Variants in GPR149 observed in about 807,000 individuals in gnomAD.
GPR149 encodes the protein probable G protein-coupled receptor 149.
A neutral mutation model predicts 50.2 loss-of-function variants in GPR149; 50 were observed. The observed-to-expected ratio is 1.00, with a 90% CI of 0.79 to 1.26. GPR149 has a LOEUF of 1.26. Ranked by LOEUF, GPR149 falls within the 50% of genes most tolerant of loss-of-function variation. The probability of loss-of-function intolerance (pLI) is 0.00; values close to 1 mark genes in which losing one functional copy is unlikely to be tolerated. For missense variants in GPR149, 983 were observed against 895.4 expected (o/e 1.10, Z -1.25); for synonymous variants, 405 against 358.2 (o/e 1.13, Z -1.48).
chr3:154,408,354 C>T (rs1490851206), intron 3 of GPR149, among the ~76,000 whole-genome samples: 1 of 152,204 alleles, frequency 6.6e-6, no homozygotes, highest in Non-Finnish European at 1.5e-5. Flanking sequence ...TGGATCACCA[C>T]TGCAGGCTCC....
At chr3:154,410,297 T>A (rs1258526202) in intron 3 of GPR149, among the ~76,000 whole-genome samples, 2 of 151,990 alleles carry the variant, frequency 1.3e-5, no homozygotes, top group Non-Finnish European at 2.9e-5. Context: ...ATAAATCTCA[T>A]AGGACCTATA....
At chr3:154,394,962 T>G (rs954875340) in intron 3 of GPR149, among the ~76,000 whole-genome samples, 26 of 152,184 alleles carry the variant, frequency 1.7e-4, no homozygotes, top group African/African-American at 6.3e-4. Flanking sequence ...ATTATTGTAG[T>G]TAACTCCTCC....
rs557733513 is a variant in GPR149 at position 154,354,777 on chromosome 3, G to A, written c.1624-16506C>T. ...AGGGTGTTTTCAGCTCCATAATGTC[G>A]CCCCAAGGAGTTTCCCAGGCATTAC... On this transcript the variant is annotated intron_variant, in intron 3 of 3. Coordinates refer to ENST00000389740, the MANE Select transcript of GPR149 (RefSeq NM_001038705.3). 1.8e-4 allele frequency: 125 copies of A among 701,776 alleles called. 1 individual carries two copies. Among genetic ancestry groups the A allele is most frequent in the South Asian group, 1.1e-3 (52 of 45,792 alleles). 43.5% of individuals were successfully genotyped at this position (701,776 alleles called of 1,614,324 possible).
At chr3:154,423,859 A>T (rs1169536433) in intron 2 of GPR149, among the ~76,000 whole-genome samples, 3 of 151,560 alleles carry the variant, frequency 2.0e-5, no homozygotes, top group Non-Finnish European at 4.4e-5. Flanking sequence ...ATTTTTTATT[A>T]TTATTATACT....
intron 3 of GPR149, among the ~76,000 whole-genome samples, chr3:154,411,964 A>G: frequency 6.6e-6 from 1 of 152,146 alleles, no homozygotes; most frequent in Admixed American, 6.6e-5. Context: ...AATACTAGCT[A>G]ACTGAATCCA....
At chr3:154,413,681 A>G (rs990660100) in intron 3 of GPR149, among the ~76,000 whole-genome samples, 3 of 151,978 alleles carry the variant, frequency 2.0e-5, no homozygotes, top group Non-Finnish European at 4.4e-5. Context: ...TGTGGTAAAA[A>G]GGGAACACTT....
At position 154,413,884 on chromosome 3, in the gene GPR149, C is replaced by CA. The variant is rs1215144144; in HGVS notation, c.1623+7154dup. ...TTTATCACAGCAGAATTTGTAATCT[C>CA]AAAAATATGGAACTGGCCCAAAAGC... On this transcript the variant is annotated intron_variant, in intron 3 of 3. Transcript: ENST00000389740. 2.0e-5 allele frequency among the ~76,000 whole-genome samples: 3 copies of CA among 151,004 alleles called. No homozygotes were observed. The East Asian group carries it at 5.9e-4, about 30-fold the overall frequency.
chr3:154,428,823 C>T lies in GPR149; in HGVS notation c.793G>A (p.Gly265Arg). ...GTGTCGGAGCTCGGAGAGCATCCCC[C>T]AGAGCGCCGCAGACTCGGGCCTGGA... ...DAPGPSLRRSGGCSPSSDTVF... is the reference protein window; with the variant it reads ...DAPGPSLRRSRGCSPSSDTVF... The change falls in exon 1 of 4, where the codon GGG becomes AGG. Residue 265 changes from glycine (G) to arginine (R), a missense_variant. Gly to Arg is a moderately radical substitution (Grantham distance 125, BLOSUM62 -2). Transcript: ENST00000389740. 4 of 1,613,802 alleles carry T rather than the reference C, an allele frequency of 2.5e-6. No homozygotes were observed. Among genetic ancestry groups the T allele is most frequent in the Non-Finnish European group, 3.4e-6 (4 of 1,179,942 alleles).
intron 3 of GPR149, among the ~76,000 whole-genome samples, chr3:154,374,803 C>T (rs2689331): frequency 0.69 from 105,546 of 151,922 alleles, 37,550 homozygotes; most frequent in Non-Finnish European, 0.78. Context: ...GTGAGGCAGC[C>T]TTTGGTCCTC....
intron 3 of GPR149, among the ~76,000 whole-genome samples, chr3:154,407,693 T>TACACACAC (rs1175398541): frequency 0.016 from 2,309 of 139,992 alleles, 29 homozygotes; most frequent in East Asian, 0.028. Flanking sequence ...GTCATGTGTA[T>TACACACAC]ACACACACAC....
At chr3:154,404,752 A>G (rs1455153492) in intron 3 of GPR149, among the ~76,000 whole-genome samples, 1 of 152,210 alleles carries the variant, frequency 6.6e-6, no homozygotes, top group Non-Finnish European at 1.5e-5. Flanking sequence ...AAATTGAGTA[A>G]CAGTACAAAC....
intron 3 of GPR149, chr3:154,353,170 C>A: frequency 1.3e-6 from 2 of 1,529,530 alleles, no homozygotes; most frequent in South Asian, 1.1e-5. Context: ...GCCCTCCCTT[C>A]AGACCCACTG....
intron 3 of GPR149, among the ~76,000 whole-genome samples, chr3:154,355,174 C>T (rs1168534124): frequency 2.0e-5 from 3 of 152,024 alleles, no homozygotes; most frequent in East Asian, 1.9e-4. Context: ...ATTACAGGTC[C>T]GTGCCACCAG....
chr3:154,422,059 A>G (rs1220605890), intron 2 of GPR149, among the ~76,000 whole-genome samples: 3 of 151,710 alleles, frequency 2.0e-5, no homozygotes, highest in African/African-American at 4.8e-5. Flanking sequence ...TAAATTTTAA[A>G]AAATAACATG....
intron 3 of GPR149, among the ~76,000 whole-genome samples, chr3:154,375,494 T>C (rs973323642): frequency 6.6e-6 from 1 of 152,224 alleles, no homozygotes; most frequent in African/African-American, 2.4e-5. Flanking sequence ...TGTTCCAGAA[T>C]GTAAACTTTT....
Position 154,338,227 on chromosome 3 carries a change from C to T in GPR149, c.1668G>A (p.Gly556=), listed in dbSNP as rs369871702. ...CTGTAGGTGCATGGAGAGACACAGT[C>T]CCCTGGAATGCACACAAGGGAATGG... is the stretch of plus-strand genomic sequence containing the variant. ...ALAIPLCAFQ[G]TVSLHAPTGK... is the part of the protein sequence containing the mutation. Residue 556 remains glycine (G), a synonymous_variant, in exon 4 of 4, where the codon GGG becomes GGA. Transcript: ENST00000389740. 7.5e-6 allele frequency: 12 copies of T among 1,606,928 alleles called. No homozygotes were observed. Among genetic ancestry groups the T allele is most frequent in the Non-Finnish European group, 9.3e-6 (11 of 1,177,110 alleles).
At chr3:154,428,410 G>A (rs536517887) in intron 1 of GPR149, among the ~76,000 whole-genome samples, 3 of 152,264 alleles carry the variant, frequency 2.0e-5, no homozygotes, top group South Asian at 2.1e-4. Flanking sequence ...CCATGCCCCT[G>A]ACTTTTGAAA....
At chr3:154,340,786 G>A (rs139520244) in intron 3 of GPR149, among the ~76,000 whole-genome samples, 150 of 152,192 alleles carry the variant, frequency 9.9e-4, no homozygotes, top group African/African-American at 3.5e-3. Flanking sequence ...CAATGGCGCC[G>A]TCTCGGCTCA....
At chr3:154,360,946 A>G (rs1714364498) in intron 3 of GPR149, among the ~76,000 whole-genome samples, 1 of 152,200 alleles carries the variant, frequency 6.6e-6, no homozygotes, top group Non-Finnish European at 1.5e-5. Context: ...ACAAAGTAAA[A>G]TTTCAAGTCT....
Sources: gnomAD v4.1 joint callset for allele counts (sites outside exome capture counted in the v4.1 genomes callset) on GRCh38, gnomAD v4.1.1 for gene constraint, MANE v1.5 for transcripts, NCBI Gene and HGNC (gene_info 2026-07-23, HGNC 2026-07-21) for gene names.